The following MMS19 variants were observed in gnomAD, a reference collection of about 807,000 sequenced individuals.
MMS19 encodes the protein MMS19 nucleotide excision repair protein homolog.
Under a neutral mutation model 129.8 loss-of-function variants are expected in MMS19, and 77 were observed. That is an observed-to-expected ratio of 0.59 (90% confidence interval 0.49 to 0.72). MMS19 has a LOEUF of 0.72. Ranked by LOEUF, MMS19 falls within the 30% of genes least tolerant of loss-of-function variation. The probability of loss-of-function intolerance (pLI) is 0.00; values close to 1 mark genes in which losing one functional copy is unlikely to be tolerated. For synonymous variants in MMS19, 491 were observed against 502.8 expected, an observed-to-expected ratio of 0.98 and a Z score of 0.31; for missense variants, 1,168 against 1,266.3, an observed-to-expected ratio of 0.92 and a Z score of 1.18.
rs1309958976 is a variant in MMS19 at position 97,458,903 on chromosome 10, G to A, written c.2965-3C>T. 2 of 1,613,952 alleles carry A rather than the reference G, an allele frequency of 1.2e-6. No homozygotes were observed. Among genetic ancestry groups the A allele is most frequent in the African/African-American group, 1.3e-5 (1 of 75,062 alleles). ...ACCTGTGGTTTGTACGGCAGCAGCT[G>A]TGGAGTCAGAGGATATAATCAACCT... is the stretch of plus-strand genomic sequence containing the variant. On this transcript the variant is annotated splice_region_variant and splice_polypyrimidine_tract_variant and intron_variant, in intron 29 of 30. Transcript: ENST00000438925.
chr10:97,483,138 C>A (rs1381963074), intron 2 of MMS19, among the ~76,000 whole-genome samples: 1 of 152,098 alleles, frequency 6.6e-6, no homozygotes, highest in East Asian at 1.9e-4. Context: ...CCACAACCTC[C>A]ACCTCCCAGA....
intron 20 of MMS19, 26 bp from the exon 21 acceptor site, chr10:97,462,145 C>T: frequency 6.6e-7 from 1 of 1,512,536 alleles, no homozygotes; most frequent in Non-Finnish European, 9.0e-7. Context: ...TAGGTATGAC[C>T]AAGGAGCTAG....
At chr10:97,471,975 G>A (rs979759131) in intron 8 of MMS19, among the ~76,000 whole-genome samples, 2 of 152,194 alleles carry the variant, frequency 1.3e-5, no homozygotes, top group Non-Finnish European at 2.9e-5. Flanking sequence ...ACAGAGAAAA[G>A]AGAGAGGAAG....
chr10:97,458,826 C>T lies in MMS19; in HGVS notation c.3039G>A (p.Lys1013=), dbSNP rs2030665590. 6.2e-7 allele frequency: 1 copy of T among 1,613,938 alleles called. No individual in the cohort carries two copies. Among genetic ancestry groups the T allele is most frequent in the Admixed American group, 1.7e-5 (1 of 60,010 alleles). ...ACTCCCCTCTGGCTGACACTGCTTC[C>T]TTGCGCACCAGTCTCTTCTTGTCAT... ...PLDDKKRLVR[K]EAVSARGEWF... is the part of the protein sequence containing the mutation. Residue 1013 remains lysine, a synonymous_variant, in exon 30 of 31, where the codon AAG becomes AAA. Transcript: ENST00000438925.
At chr10:97,459,828 C>T (rs1416088988) in intron 26 of MMS19, 87 bp from the exon 27 acceptor site, 6 of 1,133,468 alleles carry the variant, frequency 5.3e-6, no homozygotes, top group African/African-American at 3.1e-5. Flanking sequence ...GAGGCTGAGA[C>T]ATCAGCCTAC....
At chr10:97,465,666 C>T (rs563294631) in intron 18 of MMS19, 139 bp downstream of exon 18, 238 of 820,232 alleles carry the variant, frequency 2.9e-4, no homozygotes, top group Admixed American at 5.1e-4. Flanking sequence ...TTCAGTTGGA[C>T]GCAGGCATCA....
chr10:97,461,956 C>G (rs1439089235), intron 21 of MMS19, 60 bp from the exon 22 acceptor site: 3 of 1,566,818 alleles, frequency 1.9e-6, no homozygotes, highest in Non-Finnish European at 2.6e-6. Flanking sequence ...GCCCCTCTAC[C>G]CATTCCAGAT....
Position 97,458,819 on chromosome 10 carries a change from C to T in MMS19, c.3046G>A (p.Val1016Met), listed in dbSNP as rs1034920042. The T allele has an allele frequency of 1.9e-6, 3 of 1,614,034 alleles. No homozygotes were observed. The highest frequency in any genetic ancestry group is 2.2e-5 in the East Asian group (1 of 44,878). The change falls in exon 30 of 31, where the codon GTG becomes ATG. Residue 1016 changes from valine (V) to methionine (M), a missense_variant. Val to Met is a conservative substitution (Grantham distance 21). Transcript: ENST00000438925. ...ACTCACCACTCCCCTCTGGCTGACA[C>T]TGCTTCCTTGCGCACCAGTCTCTTC... Reference protein sequence around the residue: ...DKKRLVRKEAVSARGEWFLLG... With the variant: ...DKKRLVRKEAMSARGEWFLLG...
At chr10:97,487,321 T>TC (rs1564696508) in intron 1 of MMS19, among the ~76,000 whole-genome samples, 1 of 77,890 alleles carries the variant, frequency 1.3e-5, no homozygotes, top group Non-Finnish European at 2.8e-5. Context: ...AAAATTTCTT[T>TC]TTTTTTTTTT....
Position 97,458,866 on chromosome 10 carries a change from A to G in MMS19, c.2999T>C (p.Leu1000Ser). 6.2e-7 allele frequency: 1 copy of G among 1,613,994 alleles called. No homozygotes were observed. Among genetic ancestry groups the G allele is most frequent in the Non-Finnish European group, 8.5e-7 (1 of 1,179,870 alleles). Residue 1000 changes from leucine (L) to serine (S), a missense_variant, in exon 30 of 31, where the codon TTA (leucine) becomes TCA (serine). Transcript: ENST00000438925. ...CTTCTTGTCATCCAGGGGTTTGGCT[A>G]AGGCCCGAATCACCTGTGGTTTGTA... ...LPYKPQVIRA[L>S]AKPLDDKKRL...
rs149012487 is a variant in MMS19 at position 97,462,645 on chromosome 10, C to T, written c.1950G>A (p.Glu650=). The T allele has an allele frequency of 3.4e-4, 549 of 1,613,808 alleles. 1 individual carries two copies. The highest frequency in any genetic ancestry group is 4.4e-4 in the Non-Finnish European group (525 of 1,179,866). The change falls in exon 20 of 31, where the codon GAG becomes GAA. Residue 650 remains glutamate (E), a synonymous_variant. Transcript: ENST00000438925. ...ACACCATGGCAGCCAACACCTCATC[C>T]TCCAATAGTACTTTTCTCAGAACTG... ...EPSVLRKVLL[E]DEVLAAMVSV...
intron 8 of MMS19, among the ~76,000 whole-genome samples, chr10:97,472,045 A>C (rs1322596030): frequency 1.3e-5 from 2 of 152,346 alleles, no homozygotes; most frequent in African/African-American, 4.8e-5. Flanking sequence ...GGGTTACCAG[A>C]TTGACAGGGC....
chr10:97,496,178 AT>A (rs869198353), intron 1 of MMS19, among the ~76,000 whole-genome samples: 3 of 152,040 alleles, frequency 2.0e-5, no homozygotes, highest in Non-Finnish European at 2.9e-5. Flanking sequence ...AGTTTAGACC[AT>A]TTTTTTTCAG....
chr10:97,470,974 G>T, intron 8 of MMS19, 113 bp from the exon 9 acceptor site: 1 of 654,274 alleles, frequency 1.5e-6, no homozygotes, highest in Non-Finnish European at 2.4e-6. Flanking sequence ...AATCAGGGAA[G>T]ATAGTAAGAT....
Position 97,462,561 on chromosome 10 carries a change from C to T in MMS19, c.2012+22G>A, listed in dbSNP as rs1335537084. ...TGCTATCCTTCTCCCTGGGTTCAAG[C>T]CACATCCATGATTATACTTACTCAG... On this transcript the variant is annotated intron_variant, in intron 20 of 30. Coordinates refer to ENST00000438925, the MANE Select transcript of MMS19 (RefSeq NM_022362.5). 6 of 1,583,968 alleles carry T rather than the reference C, an allele frequency of 3.8e-6. 1 individual carries two copies. The South Asian group carries it at 5.5e-5, about 15-fold the overall frequency.
At chr10:97,487,674 G>C (rs2038160938) in intron 1 of MMS19, among the ~76,000 whole-genome samples, 2 of 152,040 alleles carry the variant, frequency 1.3e-5, no homozygotes, top group Admixed American at 6.6e-5. Context: ...TAAAAGATTG[G>C]TTTTAAAAAG....
chr10:97,459,426 A>C lies in MMS19; in HGVS notation c.2840T>G (p.Val947Gly). ...LQPLLLEAPQ[V>G]MSLHVDTLVT... ...GAGGGTGTCCACGTGAAGACTCATG[A>C]CTTGGGGTGCTTCCAGTAGAAGAGG... The change falls in exon 28 of 31, where the codon GTC (valine) becomes GGC (glycine). Residue 947 changes from valine (V) to glycine (G), a missense_variant. Val to Gly is a moderately radical substitution (Grantham distance 109). Transcript: ENST00000438925. 1 of 1,609,336 alleles carries C rather than the reference A, an allele frequency of 6.2e-7. No individual in the cohort carries two copies. Among genetic ancestry groups the C allele is most frequent in the Non-Finnish European group, 8.5e-7 (1 of 1,177,914 alleles).
At chr10:97,462,172 TCTC>T in intron 20 of MMS19, 53 bp from the exon 21 acceptor site, 1 of 1,303,742 alleles carries the variant, frequency 7.7e-7, no homozygotes, top group Non-Finnish European at 1.1e-6. Context: ...AAAGCAGCCC[TCTC>T]CTCCACAGAC....
chr10:97,462,138 G>C lies in MMS19; in HGVS notation c.2013-19C>G. ...AGCTAACCTGGGGGCAGAGTACTAG[G>C]TATGACCAAGGAGCTAGGATTCTAA... On this transcript the variant is annotated intron_variant, in intron 20 of 30. Transcript: ENST00000438925. 1 of 1,530,780 alleles carries C rather than the reference G, an allele frequency of 6.5e-7. No individual in the cohort carries two copies. The highest frequency in any genetic ancestry group is 8.9e-7 in the Non-Finnish European group (1 of 1,124,996). 94.8% of individuals were successfully genotyped at this position (1,530,780 alleles called of 1,614,324 possible).
Sources: allele counts gnomAD v4.1 joint callset (sites outside exome capture counted in the v4.1 genomes callset), GRCh38; gene constraint gnomAD v4.1.1; transcripts MANE v1.5; gene names NCBI Gene and HGNC (gene_info 2026-07-23, HGNC 2026-07-21).